Variants in NELL1 observed in about 807,000 individuals in gnomAD.
NELL1 encodes the protein protein kinase C-binding protein NELL1.
Under a neutral mutation model 107.4 loss-of-function variants are expected in NELL1, and 76 were observed. The ratio of observed to expected loss-of-function variants is 0.71; its 90% CI spans 0.59 to 0.86. The LOEUF (loss-of-function observed/expected upper bound fraction) is 0.86. Among genes scored for constraint, NELL1 ranks in the 40% least tolerant of loss-of-function variants. NELL1 has a pLI of 0.00. For synonymous variants in NELL1, 353 were observed against 341.2 expected (o/e 1.03, Z -0.38); for missense variants, 1,024 against 1,005.5 (o/e 1.02, Z -0.25).
At position 20,690,436 on chromosome 11, in the gene NELL1, A is replaced by C. The variant is rs561864252; in HGVS notation, c.184+12376A>C. Among the ~76,000 whole-genome samples the C allele has an allele frequency of 2.2e-3, 330 of 152,110 alleles. 1 individual carries two copies. The highest frequency in any genetic ancestry group is 7.6e-3 in the African/African-American group (314 of 41,506). On this transcript the variant is annotated intron_variant, in intron 2 of 19. Coordinates refer to ENST00000357134, the MANE Select transcript of NELL1 (RefSeq NM_006157.5). ...TTTAGGTCTAATGTTTAAGTCTTTA[A>C]TCCATCTTGAATTAATTTTTGTATA...
intron 14 of NELL1, among the ~76,000 whole-genome samples, chr11:21,309,266 A>ATATATATATATATG (rs1268643667): frequency 2.6e-5 from 1 of 38,080 alleles, no homozygotes; most frequent in Non-Finnish European, 5.6e-5. Context: ...ATATGTATAT[A>ATATATATATATATG]TATATATATA....
intron 13 of NELL1, among the ~76,000 whole-genome samples, chr11:21,167,171 T>C (rs1389563829): frequency 5.9e-5 from 9 of 151,968 alleles, no homozygotes; most frequent in Non-Finnish European, 1.2e-4. Flanking sequence ...TCTACATGTA[T>C]TGGCTTTCAT....
intron 15 of NELL1, among the ~76,000 whole-genome samples, chr11:21,512,066 A>G (rs1198981726): frequency 1.3e-5 from 2 of 152,182 alleles, no homozygotes; most frequent in African/African-American, 2.4e-5. Flanking sequence ...TCAAGCCTCA[A>G]TGGCATGTTG....
chr11:20,812,740 G>A (rs1256482944), intron 3 of NELL1, among the ~76,000 whole-genome samples: 1 of 151,978 alleles, frequency 6.6e-6, no homozygotes, highest in African/African-American at 2.4e-5. Context: ...CGGGCGCGGT[G>A]GCTCACGCCT....
chr11:21,559,141 C>G (rs1329582083), intron 16 of NELL1, among the ~76,000 whole-genome samples: 1 of 152,120 alleles, frequency 6.6e-6, no homozygotes, highest in Non-Finnish European at 1.5e-5. Context: ...ATTAGAATTT[C>G]TTAATGTCAT....
At chr11:20,677,797 C>T (rs1590198437) in intron 1 of NELL1, 135 bp from the exon 2 acceptor site, 5 of 985,138 alleles carry the variant, frequency 5.1e-6, no homozygotes, top group Middle Eastern at 3.0e-4. Flanking sequence ...CTTTTCTTTT[C>T]CCTCCATAGA....
chr11:21,515,462 C>G (rs1379943490), intron 15 of NELL1, among the ~76,000 whole-genome samples: 2 of 152,150 alleles, frequency 1.3e-5, no homozygotes, highest in African/African-American at 4.8e-5. Flanking sequence ...ACTTTCTTCT[C>G]CATCCCCCAG....
intron 14 of NELL1, among the ~76,000 whole-genome samples, chr11:21,366,732 A>C (rs1247054827): frequency 6.6e-6 from 1 of 152,122 alleles, no homozygotes; most frequent in African/African-American, 2.4e-5. Flanking sequence ...ATGCTGCCTC[A>C]AGGAAAATTC....
chr11:21,410,581 C>T (rs1029315946), intron 15 of NELL1, among the ~76,000 whole-genome samples: 1 of 152,048 alleles, frequency 6.6e-6, no homozygotes, highest in Non-Finnish European at 1.5e-5. Context: ...ATACCAACCA[C>T]AGTTAAATGT....
At chr11:21,328,347 T>C (rs1850192769) in intron 14 of NELL1, among the ~76,000 whole-genome samples, 1 of 152,128 alleles carries the variant, frequency 6.6e-6, no homozygotes, top group African/African-American at 2.4e-5. Flanking sequence ...AGCTTACACG[T>C]GGTGTTGAGC....
At chr11:21,258,252 A>T (rs183477355) in intron 14 of NELL1, among the ~76,000 whole-genome samples, 1 of 152,118 alleles carries the variant, frequency 6.6e-6, no homozygotes, top group Admixed American at 6.6e-5. Flanking sequence ...CCAGAAGAAA[A>T]GCTGTTTCTT....
chr11:21,394,542 T>C (rs1851943223), intron 15 of NELL1, among the ~76,000 whole-genome samples: 1 of 151,450 alleles, frequency 6.6e-6, no homozygotes, highest in Non-Finnish European at 1.5e-5. Context: ...CAGCTCTTAT[T>C]AGCAGAATTG....
intron 11 of NELL1, among the ~76,000 whole-genome samples, chr11:20,953,634 C>T (rs1851111205): frequency 6.6e-6 from 1 of 152,160 alleles, no homozygotes; most frequent in South Asian, 2.1e-4. Context: ...AAATTTTAGG[C>T]TGCTTCCAAC....
chr11:20,786,679 C>T (rs939745669), intron 3 of NELL1, among the ~76,000 whole-genome samples: 8 of 151,692 alleles, frequency 5.3e-5, no homozygotes, highest in Admixed American at 3.9e-4. Context: ...AAGGAGAGAC[C>T]GAGGCAAGTT....
chr11:21,458,470 C>T (rs1286074735), intron 15 of NELL1, among the ~76,000 whole-genome samples: 2 of 152,038 alleles, frequency 1.3e-5, no homozygotes, highest in African/African-American at 2.4e-5. Flanking sequence ...AATCTTTATG[C>T]TGAACAAAGA....
chr11:21,272,715 A>G (rs1033532433), intron 14 of NELL1, among the ~76,000 whole-genome samples: 5 of 152,186 alleles, frequency 3.3e-5, no homozygotes, highest in African/African-American at 1.2e-4. Context: ...CTTCCAGAGG[A>G]ACGATCAGGC....
At chr11:20,874,467 T>G (rs903656855) in intron 4 of NELL1, among the ~76,000 whole-genome samples, 1 of 152,218 alleles carries the variant, frequency 6.6e-6, no homozygotes, top group Non-Finnish European at 1.5e-5. Flanking sequence ...ATTTACTGAA[T>G]AGTATTTAGT....
chr11:21,315,021 T>A (rs754386727), intron 14 of NELL1, among the ~76,000 whole-genome samples: 10 of 152,068 alleles, frequency 6.6e-5, no homozygotes, highest in Non-Finnish European at 1.5e-4. Flanking sequence ...CACACCCAGA[T>A]AATTTTTGTA....
intron 12 of NELL1, among the ~76,000 whole-genome samples, chr11:20,986,174 T>G (rs2134250336): frequency 6.6e-6 from 1 of 152,256 alleles, no homozygotes; most frequent in South Asian, 2.1e-4. Flanking sequence ...CCCAGCCCTC[T>G]TTACAAGCCA....
Sources: gnomAD v4.1 joint callset for allele counts (sites outside exome capture counted in the v4.1 genomes callset) on GRCh38, gnomAD v4.1.1 for gene constraint, MANE v1.5 for transcripts, NCBI Gene and HGNC (gene_info 2026-07-23, HGNC 2026-07-21) for gene names.